Variants in DEF8 observed in about 807,000 individuals in gnomAD.
DEF8 encodes the protein DEF-8.
Under a neutral mutation model 59.1 loss-of-function variants are expected in DEF8, and 38 were observed. The observed-to-expected ratio is 0.64, with a 90% CI of 0.50 to 0.84. The LOEUF is 0.84. DEF8 is among the 40% of genes least tolerant of loss of function. The pLI is 0.00. For synonymous variants in DEF8, 265 were observed against 250.1 expected (o/e 1.06, Z -0.56); for missense variants, 557 against 615.2 (o/e 0.91, Z 1.00).
chr16:89,955,112 G>A, intron 3 of DEF8, 57 bp from the exon 4 acceptor site: 6 of 1,363,868 alleles, frequency 4.4e-6, no homozygotes, highest in Non-Finnish European at 6.3e-6. Flanking sequence ...CCTCCCTAGG[G>A]GATGGGAGGC....
Position 89,963,371 on chromosome 16 carries a change from C to T in DEF8, c.930C>T (p.Arg310=). 6.2e-7 allele frequency: 1 copy of T among 1,613,650 alleles called. No homozygotes were observed. The highest frequency in any genetic ancestry group is 8.5e-7 in the Non-Finnish European group (1 of 1,179,782). ...TCCCGCCTTGTTTGCAGAAGCTGCG[C>T]CAGGACATCCTGCTCATGAAGCCGT... ...VEELVEIRKL[R]QDILLMKPYF... Residue 310 remains arginine (R), a synonymous_variant, in exon 10 of 13, where the codon CGC becomes CGT. Coordinates refer to ENST00000563594, the MANE Select transcript of DEF8 (RefSeq NM_001242818.2).
intron 7 of DEF8, 89 bp from the exon 8 acceptor site, chr16:89,961,648 G>A: frequency 6.5e-7 from 1 of 1,534,842 alleles, no homozygotes; most frequent in Admixed American, 1.7e-5. Flanking sequence ...CCCGAGGGCT[G>A]TGGTCCATGG....
Position 89,959,054 on chromosome 16 carries a change from A to G in DEF8, c.413A>G (p.Glu138Gly). The G allele has an allele frequency of 6.2e-7, 1 of 1,613,548 alleles. No individual in the cohort carries two copies. Among genetic ancestry groups the G allele is most frequent in the Non-Finnish European group, 8.5e-7 (1 of 1,180,026 alleles). Reference sequence around the variant, plus strand: ...GAGCCAAACATCCGAGTGCTCCTTGAGCACCGCTTTTACAAGGAGAAGAGC... The same window carrying G: ...GAGCCAAACATCCGAGTGCTCCTTGGGCACCGCTTTTACAAGGAGAAGAGC... ...EDEPNIRVLL[E>G]HRFYKEKSKS... The change falls in exon 6 of 13, where the codon GAG becomes GGG. Residue 138 changes from glutamate (E) to glycine (G), a missense_variant. Glu to Gly is a moderately conservative substitution (Grantham distance 98, BLOSUM62 -2). Coordinates refer to ENST00000563594, the MANE Select transcript of DEF8 (RefSeq NM_001242818.2).
rs973483474 is a variant in DEF8 at position 89,957,265 on chromosome 16, CAA to C, written c.223-244_223-243del. 78 of 379,916 alleles carry C rather than the reference CAA, an allele frequency of 2.1e-4. 1 individual carries two copies. The highest frequency in any genetic ancestry group is 1.5e-3 in the African/African-American group (74 of 48,758). The allele number at this position is 379,916 out of a possible 1,614,324, so 23.5% of individuals were successfully genotyped here. A position where few individuals can be genotyped will look rare whatever the true frequency, so the allele number is the denominator to read the frequency against. On this transcript the variant is annotated intron_variant, in intron 4 of 12. Coordinates refer to ENST00000563594, the MANE Select transcript of DEF8 (RefSeq NM_001242818.2). Reference sequence around the variant, plus strand: ...AAGTTGTCTTTTGAAAAGCAACTTTCAAACATTAGGTTTTCAGAGGTCTGTGG... The same window carrying C: ...AAGTTGTCTTTTGAAAAGCAACTTTCACATTAGGTTTTCAGAGGTCTGTGG...
chr16:89,963,868 A>G, intron 10 of DEF8: 1 of 527,102 alleles, frequency 1.9e-6, no homozygotes, highest in Non-Finnish European at 3.5e-6. Context: ...GAACTCTGTG[A>G]CAAGATAGAG....
chr16:89,965,827 T>A, intron 12 of DEF8, 34 bp from the exon 13 acceptor site: 2 of 1,473,898 alleles, frequency 1.4e-6, no homozygotes, highest in Non-Finnish European at 9.4e-7. Context: ...TGGAGTTTCC[T>A]GTGCAGAGAG....
At chr16:89,955,759 G>A (rs983864061) in intron 4 of DEF8, among the ~76,000 whole-genome samples, 8 of 152,216 alleles carry the variant, frequency 5.3e-5, no homozygotes, top group Admixed American at 2.0e-4. Context: ...AGAAAAGGGG[G>A]AGGATATAAT....
chr16:89,948,826 G>A lies in DEF8; in HGVS notation c.-108+12G>A. 2 of 972,302 alleles carry A rather than the reference G, an allele frequency of 2.1e-6. No homozygotes were observed. The highest frequency in any genetic ancestry group is 2.4e-6 in the Non-Finnish European group (2 of 825,502). The allele number at this position is 972,302 out of a possible 1,614,324, so 60.2% of individuals were successfully genotyped here. A position where few individuals can be genotyped will look rare whatever the true frequency, so the allele number is the denominator to read the frequency against. On this transcript the variant is annotated intron_variant, in intron 1 of 12. Transcript: ENST00000563594. ...GAGGCGGCGGTCAGGTGAGCGGCGC[G>A]GGGCCGGCGGGGTCGGGGCCGGCGG...
chr16:89,963,760 C>G, intron 10 of DEF8: 1 of 502,234 alleles, frequency 2.0e-6, no homozygotes, highest in Non-Finnish European at 3.6e-6. Context: ...TACAGATGTT[C>G]TAGATTCTGG....
chr16:89,966,007 C>A lies in DEF8; in HGVS notation c.*44C>A. The stretch of plus-strand genomic sequence containing the variant: ...GGCACCCCGCCTGGCCCGCCAGGAC[C>A]CACCCTGCCAACATCAAGTTGTTCC... On this transcript the variant is annotated 3_prime_UTR_variant, in exon 13 of 13. Transcript: ENST00000563594. 6.9e-7 allele frequency: 1 copy of A among 1,457,286 alleles called. No individual in the cohort carries two copies. Among genetic ancestry groups the A allele is most frequent in the Non-Finnish European group, 9.5e-7 (1 of 1,047,668 alleles). 90.3% of individuals were successfully genotyped at this position (1,457,286 alleles called of 1,614,324 possible).
In DEF8 at chr16:89,965,420, C is replaced by T. The variant is rs1336606275; in HGVS notation, c.1254-441C>T. 3.3e-5 allele frequency among the ~76,000 whole-genome samples: 5 copies of T among 152,340 alleles called. No individual in the cohort carries two copies. In the South Asian group the frequency reaches 6.2e-4, roughly 19 times the overall value. On this transcript the variant is annotated intron_variant, in intron 12 of 12. Coordinates refer to ENST00000563594, the MANE Select transcript of DEF8 (RefSeq NM_001242818.2). ...AACTAAGGTTGAGACTGAACTCGCT[C>T]GAGCTAGTCGTTTGCTCAGTGTCTG...
At chr16:89,962,161 G>C in intron 9 of DEF8, 36 bp downstream of exon 9, 1 of 1,571,308 alleles carries the variant, frequency 6.4e-7, no homozygotes, top group Non-Finnish European at 8.7e-7. Flanking sequence ...GGGCGGGGGC[G>C]CTGTGTCAGG....
chr16:89,950,070 G>A (rs1313617517), intron 2 of DEF8: 4 of 996,368 alleles, frequency 4.0e-6, no homozygotes, highest in Admixed American at 1.2e-4. Context: ...TTCACAGCCC[G>A]GAGGAGAGCT....
intron 6 of DEF8, 44 bp from the exon 7 acceptor site, chr16:89,960,865 TGAGGGTGGCCTGGGCTGCAGGC>T (rs1396713416): frequency 2.6e-6 from 4 of 1,556,328 alleles, no homozygotes; most frequent in Non-Finnish European, 3.5e-6. Context: ...GCAAGCCAGC[TGAGGGTGGCCTGGGCTGCAGGC>T]GCACCCTTCC....
At chr16:89,965,597 C>G (rs931186940) in intron 12 of DEF8, among the ~76,000 whole-genome samples, 3 of 152,136 alleles carry the variant, frequency 2.0e-5, no homozygotes, top group Non-Finnish European at 4.4e-5. Flanking sequence ...GGCGTGGCCA[C>G]CTGGCTCAGC....
At chr16:89,956,997 C>A (rs11641639) in intron 4 of DEF8, 10,442 of 152,966 alleles carry the variant, frequency 0.068, 496 homozygotes, top group East Asian at 0.25. Flanking sequence ...CCCCGGGATC[C>A]CCAGAGTGTT....
intron 10 of DEF8, chr16:89,963,721 A>C: frequency 1.9e-6 from 1 of 526,738 alleles, no homozygotes; most frequent in South Asian, 2.3e-5. Context: ...CACAGTTTTC[A>C]AGGTTCATCT....
intron 6 of DEF8, chr16:89,959,415 G>T: frequency 8.0e-7 from 1 of 1,245,734 alleles, no homozygotes; most frequent in Non-Finnish European, 1.1e-6. Context: ...GACCTAGCAC[G>T]TGTTAGGGTG....
At chr16:89,959,476 T>G in intron 6 of DEF8, 2 of 672,774 alleles carry the variant, frequency 3.0e-6, no homozygotes, top group Non-Finnish European at 2.2e-6. Flanking sequence ...TGACTTTGTT[T>G]TTTGTTTTTG....
Sources: gnomAD v4.1 joint callset for allele counts (sites outside exome capture counted in the v4.1 genomes callset) on GRCh38, gnomAD v4.1.1 for gene constraint, MANE v1.5 for transcripts, NCBI Gene and HGNC (gene_info 2026-07-23, HGNC 2026-07-21) for gene names.